The following GFOD1 variants were observed in gnomAD, a reference collection of about 807,000 sequenced individuals.
GFOD1 encodes Gfo/Idh/MocA-like oxidoreductase domain containing 1, also known as glucose-fructose oxidoreductase domain-containing protein 1.
A neutral mutation model predicts 25.4 loss-of-function variants in GFOD1; 9 were observed. The ratio of observed to expected loss-of-function variants is 0.35; its 90% confidence interval spans 0.21 to 0.62. The LOEUF is 0.62. Among genes scored for constraint, GFOD1 ranks in the 20% least tolerant of loss-of-function variants. The pLI is 0.72. For missense variants in GFOD1, 403 were observed against 556.9 expected, an observed-to-expected ratio of 0.72 and a Z score of 2.78; for synonymous variants, 253 against 245.6, an observed-to-expected ratio of 1.03 and a Z score of -0.28.
chr6:13,388,866 TGACAAAGGGCTAATA>T (rs1401703795), intron 1 of GFOD1, among the ~76,000 whole-genome samples: 1 of 152,222 alleles, frequency 6.6e-6, no homozygotes, highest in Non-Finnish European at 1.5e-5. Flanking sequence ...TCTACCCATC[TGACAAAGGGCTAATA>T]GCCAGAAACT....
intron 1 of GFOD1, among the ~76,000 whole-genome samples, chr6:13,409,166 G>GAAA (rs1382880663): frequency 0.012 from 105 of 8,464 alleles, 4 homozygotes; most frequent in Middle Eastern, 0.033. Context: ...AAGAAAGAAA[G>GAAA]GAAAGAGAGA....
intron 1 of GFOD1, among the ~76,000 whole-genome samples, chr6:13,458,227 C>G (rs1382111926): frequency 1.3e-5 from 2 of 152,104 alleles, no homozygotes; most frequent in South Asian, 2.1e-4. Flanking sequence ...AAGTGATTCT[C>G]CTGCCCCAGC....
Position 13,365,543 on chromosome 6 carries a change from G to A in GFOD1, c.373C>T (p.Leu125=). The part of the protein sequence containing the change: ...MSIMGNVLRF[L]PAFVRMKQLI... Reference sequence around the variant, plus strand: ...TGCTTCATGCGCACGAAAGCCGGCAGGAAGCGCAGCACGTTGCCCATGATG... The same window carrying A: ...TGCTTCATGCGCACGAAAGCCGGCAAGAAGCGCAGCACGTTGCCCATGATG... The change falls in exon 2 of 2, where the codon CTG becomes TTG. Residue 125 remains leucine, a synonymous_variant. Coordinates refer to ENST00000379287, the MANE Select transcript of GFOD1 (RefSeq NM_018988.4). This position sits in a 1 kb window ranked among gnomAD's most constrained non-coding sequence, Gnocchi z 9.2. The A allele has an allele frequency of 6.2e-7, 1 of 1,611,986 alleles. No individual in the cohort carries two copies. The highest frequency in any genetic ancestry group is 8.5e-7 in the Non-Finnish European group (1 of 1,179,968).
At chr6:13,486,161 C>G (rs956272579) in intron 1 of GFOD1, 2 of 989,628 alleles carry the variant, frequency 2.0e-6, no homozygotes, top group Non-Finnish European at 2.4e-6. Context: ...ACCCGACACA[C>G]GTGTGCGGCC....
At chr6:13,413,829 CA>C (rs769508991) in intron 1 of GFOD1, among the ~76,000 whole-genome samples, 5 of 152,218 alleles carry the variant, frequency 3.3e-5, no homozygotes, top group Non-Finnish European at 5.9e-5. Flanking sequence ...GGTTCAATCT[CA>C]AAGCTTAGTT....
At chr6:13,450,991 T>C (rs933854782) in intron 1 of GFOD1, among the ~76,000 whole-genome samples, 1 of 152,192 alleles carries the variant, frequency 6.6e-6, no homozygotes, top group African/African-American at 2.4e-5. Context: ...TGATTGGTTG[T>C]CCTTGTTAAG....
In GFOD1 at chr6:13,362,717, G is replaced by T. The variant is rs1007778310; in HGVS notation, c.*2026C>A. The T allele has an allele frequency of 1.3e-5, 2 of 152,262 alleles. No individual in the cohort carries two copies. The highest frequency in any genetic ancestry group is 1.3e-4 in the Admixed American group (2 of 15,288). 9.4% of individuals were successfully genotyped at this position (152,262 alleles called of 1,614,324 possible). ...CGGGAAGCAGGGCGACTCTTTCCAG[G>T]AAGGCAGTACTTACTTCTCTGTTCT... On this transcript the variant is annotated 3_prime_UTR_variant, in exon 2 of 2. Coordinates refer to ENST00000379287, the MANE Select transcript of GFOD1 (RefSeq NM_018988.4).
chr6:13,438,163 T>G (rs1757862363), intron 1 of GFOD1, among the ~76,000 whole-genome samples: 1 of 152,220 alleles, frequency 6.6e-6, no homozygotes, highest in South Asian at 2.1e-4. Context: ...AATTTGAGCC[T>G]CCTCTTCCAT....
rs899565327 is a variant in GFOD1, at chr6:13,458,755, A to G, written c.253+27883T>C. Among the ~76,000 whole-genome samples the G allele has an allele frequency of 5.2e-5, 6 of 115,702 alleles. No individual in the cohort carries two copies. In the South Asian group the frequency reaches 1.2e-3, roughly 24 times the overall value. The allele number at this position is 115,702 out of a possible 152,430, so 75.9% of individuals were successfully genotyped here. ...AGCAAAAAGACTCCATTTCCCCTTG[A>G]GCAAAAAAAAAAAAAAAAAAAAAAA... On this transcript the variant is annotated intron_variant, in intron 1 of 1. Coordinates refer to ENST00000379287, the MANE Select transcript of GFOD1 (RefSeq NM_018988.4).
At chr6:13,475,109 A>T (rs1758587997) in intron 1 of GFOD1, among the ~76,000 whole-genome samples, 1 of 152,202 alleles carries the variant, frequency 6.6e-6, no homozygotes, top group African/African-American at 2.4e-5. Context: ...ATGACAAACA[A>T]CCCAATTTAA....
In GFOD1 at chr6:13,359,575, T is replaced by C. The variant is rs1784916212; in HGVS notation, c.*5168A>G. 6.6e-6 allele frequency: 1 copy of C among 152,210 alleles called. No homozygotes were observed. Among genetic ancestry groups the C allele is most frequent in the South Asian group, 2.1e-4 (1 of 4,834 alleles). 9.4% of individuals were successfully genotyped at this position (152,210 alleles called of 1,614,324 possible). On this transcript the variant is annotated 3_prime_UTR_variant, in exon 2 of 2. Coordinates refer to ENST00000379287, the MANE Select transcript of GFOD1 (RefSeq NM_018988.4). ...TAAAATACAAGTTAGAGGTCATTGT[T>C]CACATTACAGTCACAATGGGACATT...
intron 1 of GFOD1, among the ~76,000 whole-genome samples, chr6:13,484,377 T>C (rs1168906357): frequency 6.6e-6 from 1 of 152,174 alleles, no homozygotes; most frequent in East Asian, 1.9e-4. Context: ...CTGATAACTG[T>C]TTGGGGTTTT....
chr6:13,421,398 G>C (rs148797440), intron 1 of GFOD1, among the ~76,000 whole-genome samples: 2 of 152,104 alleles, frequency 1.3e-5, no homozygotes, highest in African/African-American at 4.8e-5. Flanking sequence ...GGAGGCTGAG[G>C]TTGGAAGACC....
At chr6:13,367,937 A>G (rs1562194064) in intron 1 of GFOD1, among the ~76,000 whole-genome samples, 1 of 152,086 alleles carries the variant, frequency 6.6e-6, no homozygotes, top group Non-Finnish European at 1.5e-5. Context: ...TGTGGGAGAG[A>G]CCCCAAGAGA....
chr6:13,369,099 G>C (rs967226967), intron 1 of GFOD1, among the ~76,000 whole-genome samples: 2 of 152,180 alleles, frequency 1.3e-5, no homozygotes, highest in Non-Finnish European at 2.9e-5. Flanking sequence ...GGCCCTCAAG[G>C]ATAAGGGCTG....
rs750762971 is a variant in GFOD1, at chr6:13,365,932, C to A, written c.254-270G>T. Among the ~76,000 whole-genome samples, 1 of 147,396 alleles carries A rather than the reference C, an allele frequency of 6.8e-6. No homozygotes were observed. The highest frequency in any genetic ancestry group is 1.5e-5 in the Non-Finnish European group (1 of 67,146). ...ATAATAATAATAATAATGAGCCGGGCGTGGTGGTGCACGCCTGTGGTCCCA... is the reference window on the plus strand; with the variant it reads ...ATAATAATAATAATAATGAGCCGGGAGTGGTGGTGCACGCCTGTGGTCCCA... On this transcript the variant is annotated intron_variant, in intron 1 of 1. Transcript: ENST00000379287. This position sits in a 1 kb window ranked among gnomAD's most constrained non-coding sequence, Gnocchi z 9.2.
rs142685142 is a variant in GFOD1 at position 13,368,521 on chromosome 6, C to T, written c.254-2859G>A. ...GGAACAGATTTATATGTAAATGCAG[C>T]GGTAGGTCACTGCAGGGACAGGTGA... On this transcript the variant is annotated intron_variant, in intron 1 of 1. Transcript: ENST00000379287. Among the ~76,000 whole-genome samples, 301 of 152,238 alleles carry T rather than the reference C, an allele frequency of 2.0e-3. 2 individuals carry two copies. The highest frequency in any genetic ancestry group is 6.9e-3 in the African/African-American group (287 of 41,540).
At chr6:13,444,388 CAAA>C (rs112422613) in intron 1 of GFOD1, among the ~76,000 whole-genome samples, 1 of 120,902 alleles carries the variant, frequency 8.3e-6, no homozygotes, top group Non-Finnish European at 1.8e-5. Context: ...GGGAGAGAAG[CAAA>C]AAAAAAAAAA....
chr6:13,377,553 G>A (rs1210995436), intron 1 of GFOD1, among the ~76,000 whole-genome samples: 1 of 152,212 alleles, frequency 6.6e-6, no homozygotes, highest in African/African-American at 2.4e-5. Context: ...TGCTTCTCAT[G>A]CTTGGAAGCC....
Sources: gnomAD v4.1 joint callset for allele counts (sites outside exome capture counted in the v4.1 genomes callset) on GRCh38, gnomAD v4.1.1 for gene constraint, Gnocchi (gnomAD v3.1) non-coding constraint, MANE v1.5 for transcripts, NCBI Gene and HGNC (gene_info 2026-07-23, HGNC 2026-07-21) for gene names.